The following SLC36A1 variants were observed in gnomAD, a reference collection of about 807,000 sequenced individuals.
SLC36A1 encodes proton-coupled amino acid transporter 1.
Under a neutral mutation model 47.5 loss-of-function variants are expected in SLC36A1, and 30 were observed. The ratio of observed to expected loss-of-function variants is 0.63; its 90% CI spans 0.47 to 0.86. SLC36A1 has a LOEUF of 0.86. SLC36A1 is among the 40% of genes least tolerant of loss of function. The pLI is 0.00. For synonymous variants in SLC36A1, 255 were observed against 249.7 expected (o/e 1.02, Z -0.20); for missense variants, 517 against 606.0 (o/e 0.85, Z 1.54).
the SLC36A1 span, among the ~76,000 whole-genome samples, chr5:151,555,785 T>C: frequency 1.3e-5 from 2 of 152,194 alleles, no homozygotes; most frequent in African/African-American, 4.8e-5. Flanking sequence ...CTTTTAAAAC[T>C]AGAAGAGATC....
At chr5:151,442,352 AG>A (rs1428595061) in intron 1 of SLC36A1, among the ~76,000 whole-genome samples, 5 of 152,138 alleles carry the variant, frequency 3.3e-5, no homozygotes, top group African/African-American at 1.2e-4. Flanking sequence ...TTTTAAATAC[AG>A]TGTGATTTTT....
At chr5:151,436,896 C>CA (rs1315716715), upstream of SLC36A1, 1 of 152,128 alleles carries the variant, frequency 6.6e-6, no homozygotes, top group African/African-American at 2.4e-5. Flanking sequence ...GGGCTGGTCT[C>CA]AGACTTTTTT....
the SLC36A1 span, chr5:151,506,202 G>A: frequency 7.9e-7 from 1 of 1,265,274 alleles, no homozygotes; most frequent in Non-Finnish European, 1.1e-6. Flanking sequence ...AGATGGGAGT[G>A]GGTGGGCATA....
chr5:151,513,863 G>A, the SLC36A1 span, among the ~76,000 whole-genome samples: 1 of 152,094 alleles, frequency 6.6e-6, no homozygotes, highest in Non-Finnish European at 1.5e-5. Flanking sequence ...GTCTAATACT[G>A]AATATGTTGA....
the SLC36A1 span, among the ~76,000 whole-genome samples, chr5:151,427,823 T>C: frequency 6.6e-6 from 1 of 152,112 alleles, no homozygotes; most frequent in African/African-American, 2.4e-5. Context: ...GATGGAGGGA[T>C]GTGGGATAGG....
the SLC36A1 span, chr5:151,528,002 C>T: frequency 1.2e-6 from 2 of 1,613,940 alleles, no homozygotes; most frequent in Admixed American, 1.7e-5. Context: ...TCACCTGTTC[C>T]CGGTCCAGGG....
At chr5:151,500,363 TTTG>T in the SLC36A1 span, among the ~76,000 whole-genome samples, 18 of 151,770 alleles carry the variant, frequency 1.2e-4, no homozygotes, top group East Asian at 9.6e-4. Flanking sequence ...TCATTAGGGT[TTTG>T]TTGTTGTTGT....
the SLC36A1 span, chr5:151,545,625 G>T: frequency 1.2e-6 from 2 of 1,614,174 alleles, no homozygotes; most frequent in Non-Finnish European, 1.7e-6. Context: ...ATTGGAAAGA[G>T]GGCATGCTCT....
chr5:151,517,778 C>G, the SLC36A1 span: 1 of 1,613,826 alleles, frequency 6.2e-7, no homozygotes, highest in Non-Finnish European at 8.5e-7. Context: ...GAGAAAGCAA[C>G]CAAAGCTGTC....
the SLC36A1 span, among the ~76,000 whole-genome samples, chr5:151,546,494 T>G: frequency 4.6e-5 from 7 of 152,312 alleles, no homozygotes; most frequent in South Asian, 1.5e-3. Context: ...GAGTAGATAC[T>G]TTATAAAATC....
Position 151,463,602 on chromosome 5 carries a change from C to T in SLC36A1, c.193C>T (p.Leu65Phe), listed in dbSNP as rs2127484498. The stretch of plus-strand genomic sequence containing the variant: ...GTTAAAAGGCAACATTGGCACAGGA[C>T]TCCTGGGACTCCCTCTGGCGGTGAA... ...HLLKGNIGTG[L>F]LGLPLAVKNA... The change falls in exon 3 of 11, where the codon CTC becomes TTC. Residue 65 changes from leucine (L) to phenylalanine (F), a missense_variant. By Grantham distance (22) the Leu-to-Phe change is conservative. Coordinates refer to ENST00000243389, the MANE Select transcript of SLC36A1 (RefSeq NM_078483.4). 6.2e-7 allele frequency: 1 copy of T among 1,614,176 alleles called. No individual in the cohort carries two copies.
chr5:151,467,304 G>GAAAA (rs373057431), intron 6 of SLC36A1, 21 bp downstream of exon 6: 310 of 810,258 alleles, frequency 3.8e-4, no homozygotes, highest in South Asian at 1.8e-3. Flanking sequence ...GGTTAAAAAA[G>GAAAA]AAAAAAAAAA....
At chr5:151,515,320 T>C in the SLC36A1 span, among the ~76,000 whole-genome samples, 1 of 152,240 alleles carries the variant, frequency 6.6e-6, no homozygotes, top group African/African-American at 2.4e-5. Flanking sequence ...TTGGAGGGTC[T>C]CAAGGAGTAA....
chr5:151,540,801 T>C, the SLC36A1 span: 7 of 1,577,378 alleles, frequency 4.4e-6, no homozygotes, highest in Non-Finnish European at 6.1e-6. Context: ...AGCCAAGCAA[T>C]AGGAATGAAC....
Position 151,458,802 on chromosome 5 carries a change from C to G in SLC36A1, c.10C>G (p.Gln4Glu). The G allele has an allele frequency of 1.2e-6, 2 of 1,614,004 alleles. No homozygotes were observed. The highest frequency in any genetic ancestry group is 1.7e-6 in the Non-Finnish European group (2 of 1,179,896). The change falls in exon 2 of 11, where the codon CAG (glutamine) becomes GAG (glutamate). Residue 4 changes from glutamine (Q) to glutamate (E), a missense_variant. Physicochemically the swap from Gln to Glu is conservative, Grantham distance 29. Transcript: ENST00000243389. ...TGTCCCCCCAGCTGCCATGTCCACG[C>G]AGAGACTTCGGAATGAAGACTACCA... MSTQRLRNEDYHDY... is the reference protein window; with the variant it reads MSTERLRNEDYHDY...
chr5:151,488,550 C>G lies in SLC36A1; in HGVS notation c.*296C>G. 2.3e-6 allele frequency: 1 copy of G among 434,792 alleles called. No individual in the cohort carries two copies. The highest frequency in any genetic ancestry group is 4.2e-6 in the Non-Finnish European group (1 of 237,722). The allele number at this position is 434,792 out of a possible 1,614,324, so 26.9% of individuals were successfully genotyped here. A position where few individuals can be genotyped will look rare whatever the true frequency, so the allele number is the denominator to read the frequency against. ...TGCCTCCTCCTTCCTACCTGCCTCC[C>G]CTCTGCTGGTGCACCTCGCCCAACT... On this transcript the variant is annotated 3_prime_UTR_variant, in exon 11 of 11. Coordinates refer to ENST00000243389, the MANE Select transcript of SLC36A1 (RefSeq NM_078483.4).
At chr5:151,425,260 G>T in the SLC36A1 span, 12 of 152,412 alleles carry the variant, frequency 7.9e-5, no homozygotes, top group African/African-American at 2.6e-4. Flanking sequence ...TCCACGCCCC[G>T]GCGCCCCGCC....
the SLC36A1 span, among the ~76,000 whole-genome samples, chr5:151,531,322 G>A: frequency 6.6e-6 from 1 of 152,200 alleles, no homozygotes. This position sits in a 1 kb window ranked among gnomAD's most constrained non-coding sequence, Gnocchi z 5.7. Flanking sequence ...TGTGGGAGGA[G>A]AGTGGATCAC....
the SLC36A1 span, among the ~76,000 whole-genome samples, chr5:151,384,972 A>G: frequency 8.4e-5 from 12 of 142,284 alleles, no homozygotes; most frequent in African/African-American, 2.1e-4. Flanking sequence ...TGAGGTGTGT[A>G]TGTGTGTGTG....
Sources: gnomAD v4.1 joint callset for allele counts (sites outside exome capture counted in the v4.1 genomes callset) on GRCh38, gnomAD v4.1.1 for gene constraint, Gnocchi (gnomAD v3.1) non-coding constraint, MANE v1.5 for transcripts, NCBI Gene and HGNC (gene_info 2026-07-23, HGNC 2026-07-21) for gene names.